RGS7: variants seen among roughly 807,000 people sequenced by gnomAD.
RGS7 encodes regulator of G-protein signaling 7.
RGS7 carries 27 observed loss-of-function variants against 81.1 expected under a neutral mutation model. The observed-to-expected ratio is 0.33, with a 90% CI of 0.25 to 0.46. The LOEUF (loss-of-function observed/expected upper bound fraction) is 0.46, where lower values mean the gene tolerates loss of function less well. Among genes scored for constraint, RGS7 ranks in the 20% least tolerant of loss-of-function variants. RGS7 has a pLI of 1.00. For missense variants in RGS7, 396 were observed against 607.4 expected (o/e 0.65, Z 3.66); for synonymous variants, 208 against 207.7 (o/e 1.00, Z -0.01).
At chr1:241,311,923 G>A (rs1326424408) in intron 2 of RGS7, among the ~76,000 whole-genome samples, 3 of 152,178 alleles carry the variant, frequency 2.0e-5, no homozygotes, top group South Asian at 2.1e-4. Flanking sequence ...ACACCTCAGC[G>A]CAGCTCTGAG....
At chr1:241,151,491 G>A (rs2068745804) in intron 2 of RGS7, among the ~76,000 whole-genome samples, 1 of 151,832 alleles carries the variant, frequency 6.6e-6, no homozygotes, top group East Asian at 1.9e-4. Flanking sequence ...ACCAGGAGAG[G>A]AGAAACACTC....
At chr1:240,828,043 T>G (rs1320377495) in intron 9 of RGS7, among the ~76,000 whole-genome samples, 1 of 152,102 alleles carries the variant, frequency 6.6e-6, no homozygotes, top group African/African-American at 2.4e-5. Flanking sequence ...GAATGTGCAA[T>G]GGAGTTCATG....
intron 2 of RGS7, among the ~76,000 whole-genome samples, chr1:241,120,008 G>C (rs2066140331): frequency 6.6e-6 from 1 of 152,204 alleles, no homozygotes; most frequent in African/African-American, 2.4e-5. Flanking sequence ...GGTCCGAGTG[G>C]CGTGTTGTAA....
At chr1:241,350,795 T>A (rs1240138926) in intron 2 of RGS7, among the ~76,000 whole-genome samples, 2 of 149,520 alleles carry the variant, frequency 1.3e-5, no homozygotes, top group African/African-American at 4.9e-5. Context: ...ACGACGGGGA[T>A]TTCGGCGAGA....
chr1:241,259,665 A>AT lies in RGS7; in HGVS notation c.78+96033_78+96034insA, dbSNP rs1441232473. On this transcript the variant is annotated intron_variant, in intron 2 of 18. Transcript: ENST00000440928. ...AACTCCGTCTCAAAAAAAAAAAAAA[A>AT]AAATATATATATATATATATAATTA... Among the ~76,000 whole-genome samples, 227 of 56,686 alleles carry AT rather than the reference A, an allele frequency of 4.0e-3. 3 individuals carry two copies. Among genetic ancestry groups the AT allele is most frequent in the East Asian group, 0.026 (61 of 2,314 alleles). 37.2% of individuals were successfully genotyped at this position (56,686 alleles called of 152,430 possible). A position where few individuals can be genotyped will look rare whatever the true frequency, so the allele number is the denominator to read the frequency against.
At chr1:241,191,548 G>C (rs930617117) in intron 2 of RGS7, among the ~76,000 whole-genome samples, 1 of 152,088 alleles carries the variant, frequency 6.6e-6, no homozygotes, top group Non-Finnish European at 1.5e-5. Context: ...TTATATTTAG[G>C]AGATACATCG....
intron 2 of RGS7, among the ~76,000 whole-genome samples, chr1:241,137,216 T>C (rs1558118492): frequency 6.6e-6 from 1 of 152,006 alleles, no homozygotes; most frequent in African/African-American, 2.4e-5. Context: ...CATTTTTTTT[T>C]CCTTTTCTTT....
intron 10 of RGS7, chr1:240,823,351 G>C (rs1049397122): frequency 1.2e-5 from 6 of 508,986 alleles, no homozygotes; most frequent in African/African-American, 1.2e-4. Context: ...TGGAAAATTA[G>C]CTGCGGAGAT....
At position 241,158,289 on chromosome 1, in the gene RGS7, C is replaced by G. The variant is rs138364432; in HGVS notation, c.79-59527G>C. On this transcript the variant is annotated intron_variant, in intron 2 of 18. Transcript: ENST00000440928. ...AAACTTTGCCAACCACAGAGCTATG[C>G]GATTTAGGATTATACAACACAATAT... is the stretch of plus-strand genomic sequence containing the variant. Among the ~76,000 whole-genome samples, 40 of 152,242 alleles carry G rather than the reference C, an allele frequency of 2.6e-4. 1 individual carries two copies. The East Asian group carries it at 5.0e-3, about 19-fold the overall frequency.
At chr1:240,894,060 AATATC>A (rs1181186798) in intron 6 of RGS7, among the ~76,000 whole-genome samples, 1 of 152,192 alleles carries the variant, frequency 6.6e-6, no homozygotes, top group Non-Finnish European at 1.5e-5. Context: ...AAATTTAAAT[AATATC>A]ATATCTGGCT....
chr1:240,849,053 A>G lies in RGS7; in HGVS notation c.609+19534T>C, dbSNP rs781775560. Among the ~76,000 whole-genome samples, 11 of 152,166 alleles carry G rather than the reference A, an allele frequency of 7.2e-5. No individual in the cohort carries two copies. In the East Asian group the frequency reaches 1.2e-3, roughly 16 times the overall value. On this transcript the variant is annotated intron_variant, in intron 9 of 18. Coordinates refer to ENST00000440928, the MANE Select transcript of RGS7 (RefSeq NM_001364886.1). ...GAACTCATCATCCATTTCCTAGTAC[A>G]GGCCTCGCTAGCATATTTCAATGAT...
chr1:240,779,436 T>C (rs1163437351), intron 18 of RGS7, among the ~76,000 whole-genome samples: 1 of 152,156 alleles, frequency 6.6e-6, no homozygotes, highest in African/African-American at 2.4e-5. Context: ...ATAAGAGGCA[T>C]GAACCACTGC....
rs548264500 is a variant in RGS7 at position 240,885,436 on chromosome 1, AAGACACATGCCAATGTTCACTGT to A, written c.386-15340_386-15318del. 1.1e-4 allele frequency among the ~76,000 whole-genome samples: 16 copies of A among 152,312 alleles called. No individual in the cohort carries two copies. The South Asian group carries it at 2.9e-3, about 28-fold the overall frequency. On this transcript the variant is annotated intron_variant, in intron 6 of 18. Transcript: ENST00000440928. ...GAGGAACAGAAATCATTCTCCCATA[AAGACACATGCCAATGTTCACTGT>A]AGCACTATTCACAATAGCAAAGACA...
intron 2 of RGS7, among the ~76,000 whole-genome samples, chr1:241,156,487 CAG>C (rs1489683932): frequency 6.7e-6 from 1 of 148,950 alleles, no homozygotes; most frequent in African/African-American, 2.5e-5. Context: ...GCCTGGGCAA[CAG>C]AGAGAGACTC....
At chr1:241,114,423 C>G (rs2102967777) in intron 2 of RGS7, among the ~76,000 whole-genome samples, 1 of 152,176 alleles carries the variant, frequency 6.6e-6, no homozygotes, top group African/African-American at 2.4e-5. Flanking sequence ...TGGACGATTA[C>G]CTTGCTACAG....
intron 2 of RGS7, among the ~76,000 whole-genome samples, chr1:241,351,842 A>G (rs977696807): frequency 5.3e-5 from 8 of 152,232 alleles, no homozygotes; most frequent in African/African-American, 1.9e-4. Flanking sequence ...AAACATTTTC[A>G]TTTTCTTTTC....
chr1:241,225,401 A>C (rs1270977214), intron 2 of RGS7, among the ~76,000 whole-genome samples: 1 of 152,242 alleles, frequency 6.6e-6, no homozygotes, highest in Non-Finnish European at 1.5e-5. Context: ...CATTGCTGAT[A>C]GCATAAGAGC....
intron 4 of RGS7, among the ~76,000 whole-genome samples, chr1:240,940,128 C>T (rs1677338791): frequency 1.3e-5 from 2 of 151,930 alleles, no homozygotes; most frequent in South Asian, 4.1e-4. Flanking sequence ...TCAAGTAACC[C>T]CTACTTTCCA....
At chr1:241,211,680 A>G (rs889568522) in intron 2 of RGS7, among the ~76,000 whole-genome samples, 4 of 152,190 alleles carry the variant, frequency 2.6e-5, no homozygotes, top group Admixed American at 6.5e-5. Context: ...AGCACTTTGA[A>G]GTTTCTAAAT....
Sources: allele counts gnomAD v4.1 joint callset (sites outside exome capture counted in the v4.1 genomes callset), GRCh38; gene constraint gnomAD v4.1.1; transcripts MANE v1.5; gene names NCBI Gene and HGNC (gene_info 2026-07-23, HGNC 2026-07-21).